Variants in TAP1 observed in about 807,000 individuals in gnomAD.
TAP1 encodes the protein antigen peptide transporter 1.
A neutral mutation model predicts 79.3 loss-of-function variants in TAP1; 56 were observed. The observed-to-expected ratio is 0.71, with a 90% CI of 0.57 to 0.88. TAP1 has a LOEUF of 0.88. TAP1 is among the 40% of genes least tolerant of loss of function. The pLI is 0.00. For synonymous variants in TAP1, 355 were observed against 401.4 expected, an observed-to-expected ratio of 0.88 and a Z score of 1.38; for missense variants, 737 against 936.3, an observed-to-expected ratio of 0.79 and a Z score of 2.78.
intron 10 of TAP1, chr6:32,846,087 C>T (rs11257): frequency 2.1e-5 from 10 of 482,960 alleles, no homozygotes; most frequent in Admixed American, 2.0e-4. Context: ...TTTTTATATT[C>T]GATTTTAAGG....
At chr6:32,848,923 C>T (rs2071482) in intron 6 of TAP1, 67 bp downstream of exon 6, 2 of 1,611,900 alleles carry the variant, frequency 1.2e-6, no homozygotes, top group South Asian at 1.1e-5. Context: ...AATGGAAGGA[C>T]ATCACACAGA....
chr6:32,845,843 C>A lies in TAP1; in HGVS notation c.2041-58G>T. 1.4e-6 allele frequency: 2 copies of A among 1,472,302 alleles called. No individual in the cohort carries two copies. The highest frequency in any genetic ancestry group is 1.9e-6 in the Non-Finnish European group (2 of 1,071,034). The allele number at this position is 1,472,302 out of a possible 1,614,324, so 91.2% of individuals were successfully genotyped here. Reference sequence around the variant, plus strand: ...GACTACCCTCAGCCCAGGGAGACACCTGTGTTTCCAGGGCTGGGACTGACC... The same window carrying A: ...GACTACCCTCAGCCCAGGGAGACACATGTGTTTCCAGGGCTGGGACTGACC... On this transcript the variant is annotated intron_variant, in intron 10 of 10. Coordinates refer to ENST00000354258, the MANE Select transcript of TAP1 (RefSeq NM_000593.6). The surrounding 1 kb of genome is among the most constrained non-coding windows in gnomAD (Gnocchi z 4.5).
At chr6:32,849,954 A>G (rs1443185694) in intron 5 of TAP1, 1 of 371,958 alleles carries the variant, frequency 2.7e-6, no homozygotes, top group Non-Finnish European at 5.1e-6. Flanking sequence ...CACTATTCCC[A>G]TCACTCTCAC....
rs370094423 is a variant in TAP1 at position 32,847,871 on chromosome 6, T to C, written c.1740+48A>G. ...TTCAGAGTGCTCAGTAAGAATGCTC[T>C]TCGTATTTGATGCTCCCTGCCCTCC... is the stretch of plus-strand genomic sequence containing the variant. On this transcript the variant is annotated intron_variant, in intron 8 of 10. Coordinates refer to ENST00000354258, the MANE Select transcript of TAP1 (RefSeq NM_000593.6). The surrounding 1 kb of genome is among the most constrained non-coding windows in gnomAD (Gnocchi z 4.7). 7 of 1,612,660 alleles carry C rather than the reference T, an allele frequency of 4.3e-6. No homozygotes were observed. Among genetic ancestry groups the C allele is most frequent in the Non-Finnish European group, 5.9e-6 (7 of 1,179,566 alleles).
rs1210768990 is a variant in TAP1, at chr6:32,853,125, T to A, written c.512A>T (p.Asn171Ile). The A allele has an allele frequency of 6.2e-7, 1 of 1,611,940 alleles. No individual in the cohort carries two copies. The highest frequency in any genetic ancestry group is 1.7e-5 in the Admixed American group (1 of 59,940). The change falls in exon 1 of 11, where the codon AAC becomes ATC. Residue 171 changes from asparagine (N) to isoleucine (I), a missense_variant. This residue lies in a region of TAP1 where 406 missense variants were observed against 477.2 expected (regional missense o/e 0.85). Coordinates refer to ENST00000354258, the MANE Select transcript of TAP1 (RefSeq NM_000593.6). The surrounding 1 kb of genome is among the most constrained non-coding windows in gnomAD (Gnocchi z 8.3). ...GCAGCCTAGAAGCCGACGCACAGGGTTTCCAGAGCCGCCCTGACCGCCGGG... is the reference window on the plus strand; with the variant it reads ...GCAGCCTAGAAGCCGACGCACAGGGATTCCAGAGCCGCCCTGACCGCCGGG... Reference protein sequence around the residue: ...WVPGGQGGSGNPVRRLLGCLG... With the variant: ...WVPGGQGGSGIPVRRLLGCLG...
Position 32,849,063 on chromosome 6 carries a change from G to A in TAP1, c.1304C>T (p.Thr435Ile). 1 of 1,599,726 alleles carries A rather than the reference G, an allele frequency of 6.3e-7. No homozygotes were observed. Reference protein sequence around the residue: ...GILYIGGQLVTSGAVSSGNLV... With the variant: ...GILYIGGQLVISGAVSSGNLV... The stretch of plus-strand genomic sequence containing the variant: ...GTTCCCACTGCTTACAGCCCCACTG[G>A]TCACCAGCTGCCCACCAATGTAGAG... The change falls in exon 6 of 11, where the codon ACC (threonine) becomes ATC (isoleucine). Residue 435 changes from threonine to isoleucine, a missense_variant. This residue lies in a region of TAP1 where 406 missense variants were observed against 477.2 expected (regional missense o/e 0.85). Coordinates refer to ENST00000354258, the MANE Select transcript of TAP1 (RefSeq NM_000593.6).
chr6:32,850,924 G>A lies in TAP1; in HGVS notation c.1050+20C>T, dbSNP rs760287961. The A allele has an allele frequency of 2.5e-6, 4 of 1,605,896 alleles. No homozygotes were observed. In the East Asian group the frequency reaches 8.9e-5, roughly 36 times the overall value. On this transcript the variant is annotated intron_variant, in intron 4 of 10. Coordinates refer to ENST00000354258, the MANE Select transcript of TAP1 (RefSeq NM_000593.6). This position sits in a 1 kb window ranked among gnomAD's most constrained non-coding sequence, Gnocchi z 5.5. ...GGGAGATGAGGGTCTGTGTAGAGCG[G>A]GCCAACTCCATGAACATACCTGGTA...
intron 10 of TAP1, chr6:32,846,628 TG>T (rs1770427766): frequency 6.7e-6 from 2 of 299,994 alleles, no homozygotes; most frequent in East Asian, 1.7e-4. Flanking sequence ...AAGGCCAGCC[TG>T]GGCAACATGG....
chr6:32,848,200 A>G (rs1283534365), intron 7 of TAP1, 108 bp from the exon 8 acceptor site: 1 of 1,408,754 alleles, frequency 7.1e-7, no homozygotes, highest in East Asian at 2.5e-5. Flanking sequence ...AAAAACAGGG[A>G]AATATAGAAA....
At position 32,848,659 on chromosome 6, in the gene TAP1, A is replaced by G; in HGVS notation, c.1559T>C (p.Val520Ala). Residue 520 changes from valine to alanine, a missense_variant, in exon 7 of 11, where the codon GTG becomes GCG. Physicochemically the swap from Val to Ala is moderately conservative, Grantham distance 64. Around this residue, in one of 5 missense-constraint regions of TAP1, gnomAD observed 266 missense variants for 332.4 expected, o/e 0.80. Transcript: ENST00000354258. ...GGGAGTGGTAGGTTGTACCTGTAGCACTAAGACATCTGGGCGGTTTGGGTA... is the reference window on the plus strand; with the variant it reads ...GGGAGTGGTAGGTTGTACCTGTAGCGCTAAGACATCTGGGCGGTTTGGGTA... ...FAYPNRPDVL[V>A]LQGLTFTLRP... 6.2e-7 allele frequency: 1 copy of G among 1,614,070 alleles called. No homozygotes were observed. The highest frequency in any genetic ancestry group is 1.1e-5 in the South Asian group (1 of 91,070).
intron 5 of TAP1, chr6:32,849,471 G>C: frequency 2.7e-6 from 1 of 367,566 alleles, no homozygotes; most frequent in Non-Finnish European, 5.2e-6. Context: ...GTCGGGCGCA[G>C]TGGCTCATGC....
At position 32,845,343 on chromosome 6, in the gene TAP1, G is replaced by A; in HGVS notation, c.*236C>T. 1 of 611,952 alleles carries A rather than the reference G, an allele frequency of 1.6e-6. No homozygotes were observed. Among genetic ancestry groups the A allele is most frequent in the South Asian group, 1.9e-5 (1 of 52,924 alleles). 37.9% of individuals were successfully genotyped at this position (611,952 alleles called of 1,614,324 possible). On this transcript the variant is annotated 3_prime_UTR_variant, in exon 11 of 11. Transcript: ENST00000354258. This position sits in a 1 kb window ranked among gnomAD's most constrained non-coding sequence, Gnocchi z 4.5. The stretch of plus-strand genomic sequence containing the variant: ...AACATTTCTCAGTTTCAGAGTGCTG[G>A]CCACACCAAAGCATCAGCCCTGGCT...
In TAP1 at chr6:32,845,491, G is replaced by A. The variant is rs1562359342; in HGVS notation, c.*88C>T. ...GGCAAATTTCAAGTAACTCATCCTG[G>A]AGGCAGCTGCCTACTCTGCAGCTGT... is the stretch of plus-strand genomic sequence containing the variant. On this transcript the variant is annotated 3_prime_UTR_variant, in exon 11 of 11. Transcript: ENST00000354258. This position sits in a 1 kb window ranked among gnomAD's most constrained non-coding sequence, Gnocchi z 4.5. The A allele has an allele frequency of 7.0e-7, 1 of 1,421,460 alleles. No individual in the cohort carries two copies. Among genetic ancestry groups the A allele is most frequent in the East Asian group, 2.3e-5 (1 of 43,218 alleles). The allele number at this position is 1,421,460 out of a possible 1,614,324, so 88.1% of individuals were successfully genotyped here.
chr6:32,848,050 C>T lies in TAP1; in HGVS notation c.1609G>A (p.Val537Met). 6.2e-7 allele frequency: 1 copy of T among 1,612,940 alleles called. No individual in the cohort carries two copies. The change falls in exon 8 of 11, where the codon GTG (valine) becomes ATG (methionine). Residue 537 changes from valine (V) to methionine (M), a missense_variant. Physicochemically the swap from Val to Met is conservative, Grantham distance 21 (BLOSUM62 1). This residue lies in a region of TAP1 where 266 missense variants were observed against 332.4 expected (regional missense o/e 0.80). Transcript: ENST00000354258. ...TLRPGEVTAL[V>M]GPNGSGKSTV... Reference sequence around the variant, plus strand: ...CTCTTCCCAGACCCATTGGGTCCCACCAGCGCCGTCACCTCGCCAGGGCGT... The same window carrying T: ...CTCTTCCCAGACCCATTGGGTCCCATCAGCGCCGTCACCTCGCCAGGGCGT...
In TAP1 at chr6:32,847,666, C is replaced by T; in HGVS notation, c.1750G>A (p.Val584Met). ...CCAAATACCTGTGGCTCTTGTCCCA[C>T]TGCAGCCACCTGAGATGAAATATGA... ...HRYLHRQVAA[V>M]GQEPQVFGRS... Residue 584 changes from valine (V) to methionine (M), a missense_variant, in exon 9 of 11, where the codon GTG becomes ATG. By Grantham distance (21) the Val-to-Met change is conservative. This residue lies in a region of TAP1 where 266 missense variants were observed against 332.4 expected (regional missense o/e 0.80). Coordinates refer to ENST00000354258, the MANE Select transcript of TAP1 (RefSeq NM_000593.6). The surrounding 1 kb of genome is among the most constrained non-coding windows in gnomAD (Gnocchi z 4.7). 6.2e-7 allele frequency: 1 copy of T among 1,613,782 alleles called. No individual in the cohort carries two copies. Among genetic ancestry groups the T allele is most frequent in the Non-Finnish European group, 8.5e-7 (1 of 1,180,018 alleles).
In TAP1 at chr6:32,851,539, G is replaced by C. The variant is rs1026598137; in HGVS notation, c.845-390C>G. On this transcript the variant is annotated intron_variant, in intron 3 of 10. Coordinates refer to ENST00000354258, the MANE Select transcript of TAP1 (RefSeq NM_000593.6). The surrounding 1 kb of genome is among the most constrained non-coding windows in gnomAD (Gnocchi z 4.8). ...GCCAAAGTCTGTGGAGCACTCACTGGGACTAGGGTTCTAACCCCAGGTCTA... is the reference window on the plus strand; with the variant it reads ...GCCAAAGTCTGTGGAGCACTCACTGCGACTAGGGTTCTAACCCCAGGTCTA... 6.6e-5 allele frequency among the ~76,000 whole-genome samples: 10 copies of C among 152,050 alleles called. No individual in the cohort carries two copies. Among genetic ancestry groups the C allele is most frequent in the African/African-American group, 2.4e-4 (10 of 41,382 alleles).
rs241422 is a variant in TAP1 at position 32,851,926 on chromosome 6, A to T, written c.844+183T>A. Among the ~76,000 whole-genome samples, 3,884 of 104,866 alleles carry T rather than the reference A, an allele frequency of 0.037. 76 individuals are homozygous for T. The highest frequency in any genetic ancestry group is 0.066 in the African/African-American group (1,532 of 23,204). 68.8% of individuals were successfully genotyped at this position (104,866 alleles called of 152,430 possible). ...AAACAATTGTGTGTGTGTGTGTGTG[A>T]GAGAGAGAGAGAGAGAGACAGAGAC... On this transcript the variant is annotated intron_variant, in intron 3 of 10. Coordinates refer to ENST00000354258, the MANE Select transcript of TAP1 (RefSeq NM_000593.6). The surrounding 1 kb of genome is among the most constrained non-coding windows in gnomAD (Gnocchi z 4.8).
chr6:32,850,558 A>T lies in TAP1; in HGVS notation c.1051-41T>A. ...CAAGAGATGTCACACGGGTTGGCAA[A>T]CCATCAGGGACACTAATACCTGAGT... On this transcript the variant is annotated intron_variant, in intron 4 of 10. Coordinates refer to ENST00000354258, the MANE Select transcript of TAP1 (RefSeq NM_000593.6). The surrounding 1 kb of genome is among the most constrained non-coding windows in gnomAD (Gnocchi z 5.5). 6.4e-7 allele frequency: 1 copy of T among 1,560,750 alleles called. No homozygotes were observed. The highest frequency in any genetic ancestry group is 8.8e-7 in the Non-Finnish European group (1 of 1,141,072).
intron 10 of TAP1, chr6:32,846,595 A>T (rs1770423857): frequency 1.4e-5 from 4 of 278,982 alleles, no homozygotes; most frequent in South Asian, 3.6e-5. Flanking sequence ...TGAGGGGGGC[A>T]GATTACCTGA....
Sources: allele counts gnomAD v4.1 joint callset (sites outside exome capture counted in the v4.1 genomes callset), GRCh38; gene constraint gnomAD v4.1.1; regional missense constraint gnomAD v4.1.1; non-coding constraint Gnocchi (gnomAD v3.1); transcripts MANE v1.5; gene names NCBI Gene and HGNC (gene_info 2026-07-23, HGNC 2026-07-21).